Variants in VPS54 observed in about 807,000 individuals in gnomAD.
VPS54 encodes the protein vacuolar protein sorting-associated protein 54.
Under a neutral mutation model 121.5 loss-of-function variants are expected in VPS54, and 45 were observed. The observed-to-expected ratio is 0.37, with a 90% CI of 0.29 to 0.47. The LOEUF (loss-of-function observed/expected upper bound fraction) is 0.47. VPS54 is among the 20% of genes least tolerant of loss of function. The pLI is 0.99. For synonymous variants in VPS54, 371 were observed against 385.8 expected, an observed-to-expected ratio of 0.96 and a Z score of 0.45; for missense variants, 1,090 against 1,131.4, an observed-to-expected ratio of 0.96 and a Z score of 0.52.
At chr2:63,922,914 TA>T (rs1361575896) in intron 12 of VPS54, among the ~76,000 whole-genome samples, 1 of 144,324 alleles carries the variant, frequency 6.9e-6, no homozygotes, top group Non-Finnish European at 1.5e-5. Flanking sequence ...AAATAGCAAA[TA>T]AAAACAACTC....
intron 12 of VPS54, among the ~76,000 whole-genome samples, chr2:63,927,178 C>T (rs1673946194): frequency 6.6e-6 from 1 of 152,210 alleles, no homozygotes; most frequent in South Asian, 2.1e-4. Flanking sequence ...AGTGTTCGAG[C>T]TCTGATAACG....
At position 63,897,513 on chromosome 2, in the gene VPS54, A is replaced by G. The variant is rs374090432; in HGVS notation, c.2811T>C (p.Asp937=). Residue 937 remains aspartate, a synonymous_variant, in exon 22 of 23, where the codon GAT becomes GAC. Transcript: ENST00000272322. ...AAACATACCCATTTTGAGGTCCTCC[A>G]TCATTTATCACATTTAAGTGAGATA... ...KQLSHLNVIN[D]GGPQNGLVTA... 6.3e-7 allele frequency: 1 copy of G among 1,599,154 alleles called. No homozygotes were observed. Among genetic ancestry groups the G allele is most frequent in the Non-Finnish European group, 8.5e-7 (1 of 1,172,870 alleles).
chr2:64,001,563 G>C (rs569325589), intron 1 of VPS54, among the ~76,000 whole-genome samples: 4 of 152,138 alleles, frequency 2.6e-5, no homozygotes, highest in Admixed American at 1.3e-4. Flanking sequence ...AGGGCCCAAG[G>C]GCCCTTTAGT....
At chr2:63,990,664 C>T (rs944837056) in intron 1 of VPS54, among the ~76,000 whole-genome samples, 2 of 152,190 alleles carry the variant, frequency 1.3e-5, no homozygotes, top group South Asian at 4.1e-4. Context: ...CTTTTCCTAT[C>T]ACTTCTATGC....
intron 7 of VPS54, among the ~76,000 whole-genome samples, chr2:63,952,566 A>G (rs536209407): frequency 2.0e-5 from 3 of 152,334 alleles, no homozygotes; most frequent in Non-Finnish European, 4.4e-5. Flanking sequence ...CCTTTTGGGT[A>G]GATGCATTAT....
chr2:63,983,739 G>GC (rs1381491094), intron 2 of VPS54, 125 bp downstream of exon 2: 13 of 1,281,860 alleles, frequency 1.0e-5, no homozygotes, highest in South Asian at 5.3e-5. Context: ...ACCGTGCCCG[G>GC]CCCCCCCAAA....
At chr2:64,004,615 A>T (rs150676375) in intron 1 of VPS54, among the ~76,000 whole-genome samples, 1 of 152,336 alleles carries the variant, frequency 6.6e-6, no homozygotes, top group East Asian at 1.9e-4. Context: ...TCCAATCTCT[A>T]GATCAGGAGT....
At chr2:63,911,833 A>C (rs867723402) in intron 20 of VPS54, among the ~76,000 whole-genome samples, 1 of 152,346 alleles carries the variant, frequency 6.6e-6, no homozygotes, top group African/African-American at 2.4e-5. Context: ...AAACTTAGGG[A>C]AAGTAAACAG....
chr2:63,944,462 C>CTG, intron 10 of VPS54, 138 bp downstream of exon 10: 1 of 822,152 alleles, frequency 1.2e-6, no homozygotes, highest in South Asian at 1.6e-5. Context: ...TCGTTCCACA[C>CTG]TGTCACTTGT....
chr2:63,893,598 A>G (rs1259866695), intron 22 of VPS54, 63 bp from the exon 23 acceptor site: 2 of 1,408,790 alleles, frequency 1.4e-6, no homozygotes, highest in Non-Finnish European at 2.0e-6. Flanking sequence ...AATTAAAGTA[A>G]CAGTGCTCAC....
chr2:63,932,306 A>G (rs1575924401), intron 12 of VPS54, among the ~76,000 whole-genome samples: 1 of 152,202 alleles, frequency 6.6e-6, no homozygotes, highest in Non-Finnish European at 1.5e-5. Context: ...GCACATATAC[A>G]CCGTGGAATA....
At chr2:63,897,676 T>C in intron 21 of VPS54, 86 bp from the exon 22 acceptor site, 2 of 815,242 alleles carry the variant, frequency 2.5e-6, no homozygotes, top group Non-Finnish European at 3.7e-6. Context: ...AGAAAGTATT[T>C]TTAAAAACCA....
At chr2:63,934,130 C>T (rs1674345713) in intron 11 of VPS54, 117 bp from the exon 12 acceptor site, 2 of 835,782 alleles carry the variant, frequency 2.4e-6, no homozygotes, top group South Asian at 3.9e-5. Flanking sequence ...GAGTCAAAGT[C>T]ATGTATATCA....
Position 63,962,275 on chromosome 2 carries a change from C to T in VPS54, c.793G>A (p.Val265Ile). Reference sequence around the variant, plus strand: ...ATGTGGAGTGATCCTTCACACATTACTTTATCAATCTGTGCAATTTTATCT... The same window carrying T: ...ATGTGGAGTGATCCTTCACACATTATTTTATCAATCTGTGCAATTTTATCT... The part of the protein sequence containing the change: ...LRDKIAQIDK[V>I]MCEGSLHILR... The change falls in exon 7 of 23, where the codon GTA becomes ATA. Residue 265 changes from valine (V) to isoleucine (I), a missense_variant. Coordinates refer to ENST00000272322, the MANE Select transcript of VPS54 (RefSeq NM_016516.3). The T allele has an allele frequency of 1.2e-6, 2 of 1,614,072 alleles. No individual in the cohort carries two copies. The highest frequency in any genetic ancestry group is 1.7e-6 in the Non-Finnish European group (2 of 1,179,936).
chr2:63,979,754 A>T (rs781475873), intron 3 of VPS54, among the ~76,000 whole-genome samples: 5 of 152,134 alleles, frequency 3.3e-5, no homozygotes, highest in Non-Finnish European at 7.3e-5. Context: ...TAGAAGCATA[A>T]AGTTCTGGTT....
intron 1 of VPS54, among the ~76,000 whole-genome samples, chr2:63,991,459 G>A (rs1292937670): frequency 6.6e-6 from 1 of 152,168 alleles, no homozygotes; most frequent in Non-Finnish European, 1.5e-5. Context: ...AAGCTATTCT[G>A]TGGGCACGGG....
Position 63,921,208 on chromosome 2 carries a change from T to C in VPS54, c.1867A>G (p.Lys623Glu), listed in dbSNP as rs781571713. 6.2e-7 allele frequency: 1 copy of C among 1,606,598 alleles called. No individual in the cohort carries two copies. The highest frequency in any genetic ancestry group is 8.5e-7 in the Non-Finnish European group (1 of 1,176,264). Reference sequence around the variant, plus strand: ...TAAAGCTTTATGAAAATAGCTACCTTTGCTCTTGACATGAGAAATTTGACA... The same window carrying C: ...TAAAGCTTTATGAAAATAGCTACCTCTGCTCTTGACATGAGAAATTTGACA... ...RAVKFLMSRAKDGFLEKLNSM... is the reference protein window; with the variant it reads ...RAVKFLMSRAEDGFLEKLNSM... Residue 623 changes from lysine (K) to glutamate (E), a missense_variant and splice_region_variant, in exon 13 of 23, where the codon AAG becomes GAG. Lys to Glu is a moderately conservative substitution (Grantham distance 56, BLOSUM62 1). Transcript: ENST00000272322.
chr2:64,018,782 A>C (rs982504697), intron 1 of VPS54, among the ~76,000 whole-genome samples, 156 bp downstream of exon 1: 1 of 143,710 alleles, frequency 7.0e-6, no homozygotes, highest in South Asian at 2.2e-4. Context: ...GGCGGAGAGG[A>C]GCATGGAAGC....
intron 11 of VPS54, among the ~76,000 whole-genome samples, chr2:63,940,123 C>G (rs1226423024): frequency 6.6e-6 from 1 of 152,034 alleles, no homozygotes; most frequent in East Asian, 1.9e-4. Flanking sequence ...AAATCCTTGG[C>G]TGTATATAAT....
Sources: gnomAD v4.1 joint callset for allele counts (sites outside exome capture counted in the v4.1 genomes callset) on GRCh38, gnomAD v4.1.1 for gene constraint, MANE v1.5 for transcripts, NCBI Gene and HGNC (gene_info 2026-07-23, HGNC 2026-07-21) for gene names.